ZNF503: variants seen among roughly 807,000 people sequenced by gnomAD.
ZNF503 encodes the protein zinc finger protein 503, also known as NocA-like zinc finger 2.
A neutral mutation model predicts 34.4 loss-of-function variants in ZNF503; 15 were observed. That is an observed-to-expected ratio of 0.44 (90% CI 0.29 to 0.67). The LOEUF is 0.67. Ranked by LOEUF, ZNF503 falls within the 30% of genes least tolerant of loss-of-function variation. The pLI, the probability that ZNF503 is intolerant of heterozygous loss-of-function variation, is 0.13. For synonymous variants in ZNF503, 580 were observed against 456.8 expected (o/e 1.27, Z -3.44); for missense variants, 1,007 against 926.8 (o/e 1.09, Z -1.12).
the ZNF503 span, among the ~76,000 whole-genome samples, chr10:75,389,653 T>G: frequency 6.6e-6 from 1 of 152,032 alleles, no homozygotes; most frequent in Non-Finnish European, 1.5e-5. Flanking sequence ...TCGCTGGAAC[T>G]CAGGAGGCAG....
chr10:75,373,106 C>T, the ZNF503 span, among the ~76,000 whole-genome samples: 1 of 152,234 alleles, frequency 6.6e-6, no homozygotes, highest in African/African-American at 2.4e-5. Flanking sequence ...TCTTCAGGGT[C>T]GTGCACGTAT....
chr10:75,327,678 G>A, the ZNF503 span, among the ~76,000 whole-genome samples: 3 of 152,122 alleles, frequency 2.0e-5, no homozygotes, highest in African/African-American at 7.2e-5. Context: ...GCTACATACT[G>A]TTTTCCATAA....
downstream of ZNF503, among the ~76,000 whole-genome samples, chr10:75,397,271 C>G (rs946843802): frequency 6.6e-6 from 1 of 152,144 alleles, no homozygotes; most frequent in Non-Finnish European, 1.5e-5. Context: ...CCCTGGGCAG[C>G]CAGAAGAAGA....
At chr10:75,289,842 A>G in the ZNF503 span, among the ~76,000 whole-genome samples, 1 of 152,174 alleles carries the variant, frequency 6.6e-6, no homozygotes, top group Non-Finnish European at 1.5e-5. Context: ...CTGGGAATAC[A>G]GGTGTGAGCC....
chr10:75,301,658 A>G, the ZNF503 span, among the ~76,000 whole-genome samples: 9 of 150,838 alleles, frequency 6.0e-5, no homozygotes, highest in African/African-American at 2.2e-4. Context: ...TCTTCATTTT[A>G]TTTTCTCAGT....
the ZNF503 span, among the ~76,000 whole-genome samples, chr10:75,314,654 TTCA>T: frequency 5.9e-5 from 9 of 152,170 alleles, no homozygotes; most frequent in Admixed American, 2.6e-4. Flanking sequence ...GGCTGAAAAC[TTCA>T]CAAATCTGGG....
At chr10:75,347,669 A>G in the ZNF503 span, among the ~76,000 whole-genome samples, 2 of 152,238 alleles carry the variant, frequency 1.3e-5, no homozygotes, top group Non-Finnish European at 2.9e-5. Context: ...AGATCAGACA[A>G]TAGGATATTG....
At chr10:75,298,693 C>T in the ZNF503 span, among the ~76,000 whole-genome samples, 2 of 152,082 alleles carry the variant, frequency 1.3e-5, no homozygotes, top group Non-Finnish European at 2.9e-5. Context: ...GCCATGTTTT[C>T]AGTTCTTTTG....
the ZNF503 span, chr10:75,382,831 A>G: frequency 7.4e-6 from 2 of 271,930 alleles, no homozygotes; most frequent in Non-Finnish European, 1.5e-5. Flanking sequence ...GGTATTGGAG[A>G]ATGGAATCGA....
At chr10:75,312,199 C>T in the ZNF503 span, among the ~76,000 whole-genome samples, 4 of 152,186 alleles carry the variant, frequency 2.6e-5, no homozygotes, top group East Asian at 7.7e-4. Flanking sequence ...AGAGTGAGAA[C>T]CTGTCTCAAA....
At chr10:75,348,758 C>A in the ZNF503 span, among the ~76,000 whole-genome samples, 3 of 150,978 alleles carry the variant, frequency 2.0e-5, no homozygotes, top group Non-Finnish European at 4.4e-5. Flanking sequence ...GTGATCCGCC[C>A]GCCTCAGCCT....
At chr10:75,307,894 CAT>C in the ZNF503 span, among the ~76,000 whole-genome samples, 1 of 152,124 alleles carries the variant, frequency 6.6e-6, no homozygotes, top group African/African-American at 2.4e-5. Flanking sequence ...GCCTGGGAAA[CAT>C]AGCAAGACCC....
Position 75,398,955 on chromosome 10 carries a change from C to T in ZNF503, c.1735G>A (p.Gly579Ser). ...MACHMHIPTS[G>S]APGSPGTLAL... The stretch of plus-strand genomic sequence containing the variant: ...AGCGTCCCAGGGCTGCCCGGTGCGC[C>T]CGAGGTGGGGATGTGCATGTGGCAA... The change falls in exon 2 of 2, where the codon GGC becomes AGC. Residue 579 changes from glycine to serine, a missense_variant. Gly to Ser is a moderately conservative substitution (Grantham distance 56). Transcript: ENST00000372524. The T allele has an allele frequency of 1.2e-6, 2 of 1,601,976 alleles. No homozygotes were observed. Among genetic ancestry groups the T allele is most frequent in the Non-Finnish European group, 1.7e-6 (2 of 1,177,824 alleles).
the ZNF503 span, among the ~76,000 whole-genome samples, chr10:75,316,191 T>C: frequency 1.3e-5 from 2 of 152,088 alleles, no homozygotes; most frequent in Admixed American, 1.3e-4. Context: ...TAAGGAAACA[T>C]TGGACTTGAA....
At chr10:75,358,664 C>T in the ZNF503 span, 3 of 152,236 alleles carry the variant, frequency 2.0e-5, no homozygotes. Context: ...GTGCCAACCA[C>T]ATTCCCAGAA....
chr10:75,393,299 T>C (rs1398370622), downstream of ZNF503, among the ~76,000 whole-genome samples: 1 of 152,150 alleles, frequency 6.6e-6, no homozygotes, highest in Admixed American at 6.5e-5. Flanking sequence ...TGGAGAGTAA[T>C]ATGCTTTAGT....
At chr10:75,357,221 T>C in the ZNF503 span, among the ~76,000 whole-genome samples, 1 of 151,868 alleles carries the variant, frequency 6.6e-6, no homozygotes, top group Non-Finnish European at 1.5e-5. Context: ...ATAGCTAGCA[T>C]CATAATCACA....
the ZNF503 span, among the ~76,000 whole-genome samples, chr10:75,308,423 C>T: frequency 2.0e-4 from 30 of 152,324 alleles, no homozygotes; most frequent in East Asian, 5.8e-4. Context: ...GCTAACACAA[C>T]AACCATTCTT....
chr10:75,381,207 A>C, the ZNF503 span, among the ~76,000 whole-genome samples: 1 of 152,022 alleles, frequency 6.6e-6, no homozygotes, highest in Non-Finnish European at 1.5e-5. Context: ...GTGCGTGTGT[A>C]ATTTTTGTTT....
Sources: allele counts gnomAD v4.1 joint callset (sites outside exome capture counted in the v4.1 genomes callset), GRCh38; gene constraint gnomAD v4.1.1; transcripts MANE v1.5; gene names NCBI Gene and HGNC (gene_info 2026-07-23, HGNC 2026-07-21).